The following LRPPRC variants were observed in gnomAD, a reference collection of about 807,000 sequenced individuals.
LRPPRC encodes leucine-rich PPR motif-containing protein, mitochondrial.
In LRPPRC, 120 loss-of-function variants were observed where a neutral mutation model predicts 180.3. The observed-to-expected ratio is 0.67, with a 90% CI of 0.57 to 0.77. The LOEUF is 0.77. LRPPRC is among the 30% of genes least tolerant of loss of function. LRPPRC has a pLI of 0.00. For missense variants in LRPPRC, 2,012 were observed against 1,657.2 expected (o/e 1.21, Z -3.72); for synonymous variants, 723 against 600.0 (o/e 1.21, Z -3.00).
chr2:43,994,830 C>T (rs771561367), intron 1 of LRPPRC, among the ~76,000 whole-genome samples: 45 of 152,368 alleles, frequency 3.0e-4, no homozygotes, highest in South Asian at 1.2e-3. Flanking sequence ...AAACCTATCT[C>T]TGATAAACCT....
intron 1 of LRPPRC, among the ~76,000 whole-genome samples, chr2:43,991,951 C>A (rs984979308): frequency 5.3e-5 from 8 of 152,210 alleles, no homozygotes; most frequent in African/African-American, 1.9e-4. Context: ...TTAAGATTTT[C>A]ATTGATTCAC....
intron 27 of LRPPRC, among the ~76,000 whole-genome samples, chr2:43,920,145 A>AT (rs990332490): frequency 7.4e-5 from 11 of 148,586 alleles, no homozygotes; most frequent in African/African-American, 1.7e-4. Context: ...CAGCCTATAT[A>AT]TTTTTTTTGA....
At chr2:43,928,809 C>G (rs913768116) in intron 25 of LRPPRC, among the ~76,000 whole-genome samples, 3 of 151,980 alleles carry the variant, frequency 2.0e-5, no homozygotes, top group Non-Finnish European at 2.9e-5. Flanking sequence ...AAGTACCGTC[C>G]AAGTACAACT....
chr2:43,990,388 C>T (rs1219781687), intron 1 of LRPPRC, among the ~76,000 whole-genome samples: 1 of 152,206 alleles, frequency 6.6e-6, no homozygotes, highest in Non-Finnish European at 1.5e-5. Flanking sequence ...AGGCCTATTA[C>T]TGCTAATTTG....
At chr2:43,979,758 A>C in intron 3 of LRPPRC, 68 bp downstream of exon 3, 1 of 1,402,186 alleles carries the variant, frequency 7.1e-7, no homozygotes, top group Non-Finnish European at 1.0e-6. Context: ...TATGTAAACA[A>C]ACACTTTTTT....
intron 21 of LRPPRC, among the ~76,000 whole-genome samples, chr2:43,945,745 T>C (rs1440969544): frequency 6.6e-6 from 1 of 152,084 alleles, no homozygotes; most frequent in Non-Finnish European, 1.5e-5. Flanking sequence ...TCTAACAGGA[T>C]AGGAAGCCAA....
chr2:43,983,849 T>C (rs1187529264), intron 1 of LRPPRC, among the ~76,000 whole-genome samples: 1 of 152,162 alleles, frequency 6.6e-6, no homozygotes, highest in East Asian at 1.9e-4. Context: ...GAGGCTGTAA[T>C]TGATAATAGA....
chr2:43,959,215 G>A (rs1229317559), intron 13 of LRPPRC: 1 of 716,200 alleles, frequency 1.4e-6, no homozygotes, highest in South Asian at 1.5e-5. Flanking sequence ...TGTCAGATTG[G>A]AAAATCTATA....
At chr2:43,957,313 A>G in intron 14 of LRPPRC, 72 bp downstream of exon 14, 1 of 977,582 alleles carries the variant, frequency 1.0e-6, no homozygotes, top group Non-Finnish European at 1.7e-6. Flanking sequence ...ATTTTTCCTC[A>G]TGCAATAAGT....
intron 1 of LRPPRC, among the ~76,000 whole-genome samples, chr2:43,991,796 T>C (rs1674794019): frequency 6.6e-6 from 1 of 152,214 alleles, no homozygotes; most frequent in African/African-American, 2.4e-5. Context: ...TCTAATAATT[T>C]CACTCACTAA....
At position 43,977,067 on chromosome 2, in the gene LRPPRC, G is replaced by C. The variant is rs376939297; in HGVS notation, c.592-15C>G. ...TGGTATGTCACCTGTCAATGAAATG[G>C]GCCAGTTAATTTTAAATATACTTTT... is the stretch of plus-strand genomic sequence containing the variant. On this transcript the variant is annotated splice_polypyrimidine_tract_variant and intron_variant, in intron 4 of 37. Transcript: ENST00000260665. The C allele has an allele frequency of 1.5e-5, 24 of 1,611,766 alleles. No homozygotes were observed. Among genetic ancestry groups the C allele is most frequent in the Non-Finnish European group, 1.9e-5 (22 of 1,178,418 alleles).
intron 27 of LRPPRC, among the ~76,000 whole-genome samples, chr2:43,922,749 T>C (rs1490061919): frequency 2.0e-5 from 3 of 152,248 alleles, no homozygotes; most frequent in Non-Finnish European, 4.4e-5. Context: ...ACCCAATTCA[T>C]ATCTTATGTT....
At chr2:43,908,539 CT>C (rs910873293) in intron 30 of LRPPRC, among the ~76,000 whole-genome samples, 93 of 148,578 alleles carry the variant, frequency 6.3e-4, no homozygotes, top group African/African-American at 2.0e-3. Flanking sequence ...AAACTATGGC[CT>C]TTTTTTTTTC....
chr2:43,995,134 G>A (rs1674969756), intron 1 of LRPPRC, among the ~76,000 whole-genome samples: 1 of 152,090 alleles, frequency 6.6e-6, no homozygotes, highest in Non-Finnish European at 1.5e-5. Context: ...CCAGCTACTC[G>A]GGAGGCTGAG....
At position 43,886,478 on chromosome 2, in the gene LRPPRC, A is replaced by C. The variant is rs1001257136; in HGVS notation, c.*2122T>G. 2.0e-5 allele frequency: 3 copies of C among 152,190 alleles called. No individual in the cohort carries two copies. Among genetic ancestry groups the C allele is most frequent in the African/African-American group, 7.2e-5 (3 of 41,458 alleles). The allele number at this position is 152,190 out of a possible 1,614,324, so 9.4% of individuals were successfully genotyped here. A position where few individuals can be genotyped will look rare whatever the true frequency, so the allele number is the denominator to read the frequency against. ...AGCCCACCTACAGTATAGTTATTAT[A>C]CTTTAAATATTTATATTCAATAGGG... On this transcript the variant is annotated 3_prime_UTR_variant, in exon 38 of 38. Coordinates refer to ENST00000260665, the MANE Select transcript of LRPPRC (RefSeq NM_133259.4).
intron 37 of LRPPRC, 107 bp downstream of exon 37, chr2:43,889,627 A>G: frequency 1.0e-6 from 1 of 969,130 alleles, no homozygotes; most frequent in African/African-American, 1.6e-5. Flanking sequence ...CTTCACAGAG[A>G]TCTAATCCTC....
chr2:43,936,848 A>T (rs1413477250), intron 23 of LRPPRC, among the ~76,000 whole-genome samples: 1 of 152,208 alleles, frequency 6.6e-6, no homozygotes, highest in Non-Finnish European at 1.5e-5. Flanking sequence ...ACTGTCATAG[A>T]AGAGAAATGG....
intron 11 of LRPPRC, among the ~76,000 whole-genome samples, chr2:43,972,888 C>G (rs539808776): frequency 6.6e-6 from 1 of 151,960 alleles, no homozygotes; most frequent in Non-Finnish European, 1.5e-5. Context: ...TTTTGTTTCC[C>G]CAAGGGGAAA....
At chr2:43,931,729 C>G (rs1317250004) in intron 25 of LRPPRC, among the ~76,000 whole-genome samples, 1 of 152,096 alleles carries the variant, frequency 6.6e-6, no homozygotes, top group Non-Finnish European at 1.5e-5. Flanking sequence ...AACATAGGTA[C>G]AAGATAAATG....
Sources: allele counts gnomAD v4.1 joint callset (sites outside exome capture counted in the v4.1 genomes callset), GRCh38; gene constraint gnomAD v4.1.1; transcripts MANE v1.5; gene names NCBI Gene and HGNC (gene_info 2026-07-23, HGNC 2026-07-21).